Variants in MIPEP observed in about 807,000 individuals in gnomAD.
The protein encoded by MIPEP is mitochondrial intermediate peptidase.
A neutral mutation model predicts 90.3 loss-of-function variants in MIPEP; 79 were observed. The ratio of observed to expected loss-of-function variants is 0.87; its 90% CI spans 0.73 to 1.05. MIPEP has a LOEUF of 1.05. Among genes scored for constraint, MIPEP ranks in the 50% least tolerant of loss-of-function variants. The pLI, the probability that MIPEP is intolerant of heterozygous loss-of-function variation, is 0.00. For synonymous variants in MIPEP, 334 were observed against 315.8 expected (o/e 1.06, Z -0.61); for missense variants, 940 against 905.6 (o/e 1.04, Z -0.49).
chr13:23,763,995 T>C (rs1206828301), intron 16 of MIPEP, among the ~76,000 whole-genome samples: 1 of 152,218 alleles, frequency 6.6e-6, no homozygotes, highest in Admixed American at 6.5e-5. Flanking sequence ...AAATAAAATA[T>C]AGCATTTCAT....
chr13:23,887,419 C>A (rs1871544677), intron 1 of MIPEP, among the ~76,000 whole-genome samples: 1 of 152,186 alleles, frequency 6.6e-6, no homozygotes, highest in South Asian at 2.1e-4. Context: ...ACAGATCAGG[C>A]CACATGCTTT....
At chr13:23,760,265 T>G (rs529288577) in intron 16 of MIPEP, 48 bp from the exon 17 acceptor site, 219 of 1,612,852 alleles carry the variant, frequency 1.4e-4, no homozygotes, top group Non-Finnish European at 1.8e-4. Context: ...CAGTTTCCAC[T>G]TGGAGAATAT....
In MIPEP at chr13:23,825,212, T is replaced by C. The variant is rs190829852; in HGVS notation, c.1653+11028A>G. On this transcript the variant is annotated intron_variant, in intron 14 of 18. Coordinates refer to ENST00000382172, the MANE Select transcript of MIPEP (RefSeq NM_005932.4). ...ATCTCTACTTCCCTGTTCAATGCTTTTGTCTAGACATAATTGAGAAGCATT... is the reference window on the plus strand; with the variant it reads ...ATCTCTACTTCCCTGTTCAATGCTTCTGTCTAGACATAATTGAGAAGCATT... 4.9e-4 allele frequency among the ~76,000 whole-genome samples: 74 copies of C among 152,326 alleles called. No individual in the cohort carries two copies. The East Asian group carries it at 0.013, about 27-fold the overall frequency.
intron 15 of MIPEP, among the ~76,000 whole-genome samples, chr13:23,806,716 A>ACATC: frequency 6.8e-6 from 1 of 147,256 alleles, no homozygotes; most frequent in South Asian, 2.2e-4. Flanking sequence ...AAAAAAATCT[A>ACATC]TATCTATCTA....
chr13:23,766,764 A>G (rs1952594815), intron 16 of MIPEP, among the ~76,000 whole-genome samples: 1 of 152,252 alleles, frequency 6.6e-6, no homozygotes, highest in African/African-American at 2.4e-5. Context: ...TGTGGTGGAC[A>G]CACTCTCAGG....
At position 23,763,940 on chromosome 13, in the gene MIPEP, A is replaced by T. The variant is rs530440094; in HGVS notation, c.1849-3723T>A. ...CAATTGCTGAATTCCTGCTAATTCA[A>T]CCTAATATTAAGTCCTTATTACCAT... is the stretch of plus-strand genomic sequence containing the variant. On this transcript the variant is annotated intron_variant, in intron 16 of 18. Transcript: ENST00000382172. 5.3e-5 allele frequency among the ~76,000 whole-genome samples: 8 copies of T among 152,334 alleles called. No homozygotes were observed. In the East Asian group the frequency reaches 1.3e-3, roughly 26 times the overall value.
At chr13:23,746,991 T>G (rs969290908) in intron 18 of MIPEP, among the ~76,000 whole-genome samples, 2 of 152,108 alleles carry the variant, frequency 1.3e-5, no homozygotes, top group African/African-American at 4.8e-5. Context: ...AAAGTAACGG[T>G]GACAAAACAG....
chr13:23,884,048 T>C (rs1452620309), intron 2 of MIPEP, among the ~76,000 whole-genome samples: 1 of 152,012 alleles, frequency 6.6e-6, no homozygotes, highest in Non-Finnish European at 1.5e-5. Context: ...AAATCAGTTG[T>C]ATGGGTGGAA....
intron 16 of MIPEP, chr13:23,766,181 A>G (rs1952589981): frequency 6.6e-6 from 1 of 152,240 alleles, no homozygotes; most frequent in African/African-American, 2.4e-5. Flanking sequence ...TAGTTCTTTG[A>G]CTACATTATT....
intron 8 of MIPEP, among the ~76,000 whole-genome samples, chr13:23,863,797 C>T (rs1354651831): frequency 6.6e-6 from 1 of 152,028 alleles, no homozygotes; most frequent in African/African-American, 2.4e-5. Flanking sequence ...TGTATTTAGG[C>T]CAAAAGAAGA....
intron 1 of MIPEP, among the ~76,000 whole-genome samples, chr13:23,887,186 G>A (rs993745063): frequency 1.1e-4 from 17 of 152,094 alleles, no homozygotes; most frequent in Non-Finnish European, 1.6e-4. Context: ...AATTTTATAC[G>A]TTACAAAGAC....
chr13:23,883,874 T>C lies in MIPEP; in HGVS notation c.364-2087A>G, dbSNP rs913715621. 5.3e-5 allele frequency among the ~76,000 whole-genome samples: 8 copies of C among 152,242 alleles called. No individual in the cohort carries two copies. In the South Asian group the frequency reaches 6.2e-4, roughly 12 times the overall value. On this transcript the variant is annotated intron_variant, in intron 2 of 18. Transcript: ENST00000382172. ...CCATCATTCAAAGACACATTTCCTA[T>C]GCACATACTGGAGGCACAGAACAAA...
At chr13:23,761,037 T>C (rs1312411602) in intron 16 of MIPEP, among the ~76,000 whole-genome samples, 1 of 151,918 alleles carries the variant, frequency 6.6e-6, no homozygotes, top group Non-Finnish European at 1.5e-5. Context: ...TTACATTTTA[T>C]GACAAAACAA....
intron 18 of MIPEP, among the ~76,000 whole-genome samples, chr13:23,732,984 T>C (rs1267140619): frequency 6.6e-6 from 1 of 152,200 alleles, no homozygotes; most frequent in South Asian, 2.1e-4. Context: ...AGGTGTAAAA[T>C]GTACTGATGT....
chr13:23,874,967 T>A (rs1871001855), intron 4 of MIPEP, 58 bp from the exon 5 acceptor site: 2 of 1,469,268 alleles, frequency 1.4e-6, no homozygotes, highest in South Asian at 1.3e-5. Context: ...AACAAAAAAA[T>A]TGTGGTTTTT....
chr13:23,867,951 T>A (rs66683041), intron 7 of MIPEP, among the ~76,000 whole-genome samples: 30,980 of 123,460 alleles, frequency 0.25, 3,928 homozygotes, highest in East Asian at 0.46. Context: ...AAATATAAAA[T>A]AAAAATATGG....
At chr13:23,806,608 G>T (rs949640565) in intron 15 of MIPEP, among the ~76,000 whole-genome samples, 5 of 151,890 alleles carry the variant, frequency 3.3e-5, no homozygotes, top group Admixed American at 1.3e-4. Flanking sequence ...AACCTGGGAG[G>T]CGGAGCTCGC....
At chr13:23,756,374 C>T (rs1305128859) in intron 18 of MIPEP, 171 bp downstream of exon 18, 35 of 612,324 alleles carry the variant, frequency 5.7e-5, no homozygotes, top group Middle Eastern at 2.8e-4. Flanking sequence ...AGGCTGGTCT[C>T]GAACTCCTGA....
chr13:23,767,054 C>G (rs1952598204), intron 16 of MIPEP, among the ~76,000 whole-genome samples: 1 of 152,196 alleles, frequency 6.6e-6, no homozygotes, highest in Admixed American at 6.5e-5. Flanking sequence ...CCTCTAGGAC[C>G]TGTGGGTAGC....
Sources: allele counts gnomAD v4.1 joint callset (sites outside exome capture counted in the v4.1 genomes callset), GRCh38; gene constraint gnomAD v4.1.1; transcripts MANE v1.5; gene names NCBI Gene and HGNC (gene_info 2026-07-23, HGNC 2026-07-21).